NPLOC4: variants seen among roughly 807,000 people sequenced by gnomAD.
NPLOC4 encodes the protein nuclear protein localization protein 4 homolog.
NPLOC4 carries 18 observed loss-of-function variants against 80.6 expected under a neutral mutation model. The observed-to-expected ratio is 0.22, with a 90% CI of 0.15 to 0.33. The LOEUF (loss-of-function observed/expected upper bound fraction) is 0.33, where lower values mean the gene tolerates loss of function less well. NPLOC4 is among the 10% of genes least tolerant of loss of function. The probability of loss-of-function intolerance (pLI) is 1.00; values close to 1 mark genes in which losing one functional copy is unlikely to be tolerated. For synonymous variants in NPLOC4, 313 were observed against 301.5 expected, an observed-to-expected ratio of 1.04 and a Z score of -0.39; for missense variants, 540 against 786.1, an observed-to-expected ratio of 0.69 and a Z score of 3.74.
chr17:81,596,721 G>C (rs2034916920), intron 10 of NPLOC4, among the ~76,000 whole-genome samples: 1 of 152,234 alleles, frequency 6.6e-6, no homozygotes, highest in African/African-American at 2.4e-5. Context: ...GCCATGGGCT[G>C]AGCCCTGAAA....
chr17:81,595,285 T>A (rs995843606), intron 11 of NPLOC4, among the ~76,000 whole-genome samples: 3 of 151,716 alleles, frequency 2.0e-5, no homozygotes, highest in Non-Finnish European at 4.4e-5. Context: ...AATACAAAAA[T>A]TAGCCAGGCG....
At chr17:81,583,978 T>C (rs957388889) in intron 12 of NPLOC4, among the ~76,000 whole-genome samples, 1 of 152,238 alleles carries the variant, frequency 6.6e-6, no homozygotes, top group Non-Finnish European at 1.5e-5. Flanking sequence ...TGCAAACACA[T>C]ACCTTTAGTA....
rs2144063552 is a variant in NPLOC4 at position 81,572,642 on chromosome 17, A to G, written c.1282-554T>C. Reference sequence around the variant, plus strand: ...AGCAGTCGTGCTCTCGGGCACTGGGACTCCCCACTGGGAGAGCACATCAAA... The same window carrying G: ...AGCAGTCGTGCTCTCGGGCACTGGGGCTCCCCACTGGGAGAGCACATCAAA... On this transcript the variant is annotated intron_variant, in intron 12 of 16. Transcript: ENST00000331134. The surrounding 1 kb of genome is among the most constrained non-coding windows in gnomAD (Gnocchi z 4.5). Among the ~76,000 whole-genome samples the G allele has an allele frequency of 6.6e-6, 1 of 152,156 alleles. No individual in the cohort carries two copies. Among genetic ancestry groups the G allele is most frequent in the East Asian group, 1.9e-4 (1 of 5,174 alleles).
At chr17:81,585,697 T>A (rs1296909676) in intron 12 of NPLOC4, among the ~76,000 whole-genome samples, 2 of 138,766 alleles carry the variant, frequency 1.4e-5, no homozygotes, top group Non-Finnish European at 3.0e-5. Flanking sequence ...AGAGGCTGGG[T>A]GCAGTGGCTC....
Position 81,610,228 on chromosome 17 carries a change from C to T in NPLOC4, c.417G>A (p.Val139=). The change falls in exon 5 of 17, where the codon GTG becomes GTA. Residue 139 remains valine (V), a synonymous_variant. Transcript: ENST00000331134. ...LCRHGPLGKC[V]HCVPLEPFDE... ...CTCTCACCTCTAGAGGGACGCAGTGCACGCATTTCCCCAAAGGGCCGTGGC... is the reference window on the plus strand; with the variant it reads ...CTCTCACCTCTAGAGGGACGCAGTGTACGCATTTCCCCAAAGGGCCGTGGC... 3.2e-6 allele frequency: 5 copies of T among 1,575,286 alleles called. No individual in the cohort carries two copies. The highest frequency in any genetic ancestry group is 4.3e-6 in the Non-Finnish European group (5 of 1,160,996).
In NPLOC4 at chr17:81,572,266, GCAAGCTC is replaced by G. The variant is rs2034182460; in HGVS notation, c.1282-185_1282-179del. 6.6e-6 allele frequency among the ~76,000 whole-genome samples: 1 copy of G among 151,914 alleles called. No individual in the cohort carries two copies. The highest frequency in any genetic ancestry group is 6.6e-5 in the Admixed American group (1 of 15,222). On this transcript the variant is annotated intron_variant, in intron 12 of 16. Coordinates refer to ENST00000331134, the MANE Select transcript of NPLOC4 (RefSeq NM_017921.4). This position sits in a 1 kb window ranked among gnomAD's most constrained non-coding sequence, Gnocchi z 4.5. ...TGCAGTGGCGTGATCTCCACTCACT[GCAAGCTC>G]CGCCTCCCAGGTTCACACCATTCTC...
chr17:81,570,623 C>T (rs942346616), intron 13 of NPLOC4, among the ~76,000 whole-genome samples: 2 of 152,208 alleles, frequency 1.3e-5, no homozygotes, highest in African/African-American at 2.4e-5. Context: ...AGCCATTTCC[C>T]TACCCTACCC....
At chr17:81,602,572 G>A (rs1300396838) in intron 8 of NPLOC4, among the ~76,000 whole-genome samples, 2 of 151,776 alleles carry the variant, frequency 1.3e-5, no homozygotes, top group East Asian at 1.9e-4. Flanking sequence ...GCGTGGTGGC[G>A]GCACCTGTAA....
intron 16 of NPLOC4, chr17:81,564,109 C>CACACACACACACACACACAG (rs751782727): frequency 2.4e-4 from 82 of 335,022 alleles, no homozygotes; most frequent in African/African-American, 1.8e-3. Flanking sequence ...CACACACACA[C>CACACACACACACACACACAG]ACACACACAA....
In NPLOC4 at chr17:81,629,435, G is replaced by A. The variant is rs978836592; in HGVS notation, c.96+290C>T. 5.9e-5 allele frequency among the ~76,000 whole-genome samples: 9 copies of A among 152,154 alleles called. 1 individual carries two copies. Among genetic ancestry groups the A allele is most frequent in the Admixed American group, 2.0e-4 (3 of 15,254 alleles). Reference sequence around the variant, plus strand: ...GAACTCCTCACTTCGTGATCCACCCGCCTTGGTCTCCCGAAGTGCTGGGAT... The same window carrying A: ...GAACTCCTCACTTCGTGATCCACCCACCTTGGTCTCCCGAAGTGCTGGGAT... On this transcript the variant is annotated intron_variant, in intron 2 of 16. Transcript: ENST00000331134.
At chr17:81,623,272 C>A in intron 2 of NPLOC4, among the ~76,000 whole-genome samples, 1 of 150,900 alleles carries the variant, frequency 6.6e-6, no homozygotes, top group Non-Finnish European at 1.5e-5. Context: ...GAGTTCGACA[C>A]CAGCCTGGTC....
intron 3 of NPLOC4, among the ~76,000 whole-genome samples, chr17:81,617,739 G>A (rs190503355): frequency 0.096 from 14,111 of 147,500 alleles, 715 homozygotes; most frequent in Middle Eastern, 0.18. Flanking sequence ...CTGCCATCTC[G>A]GCTCACTGCA....
chr17:81,576,269 G>A (rs1358717639), intron 12 of NPLOC4, among the ~76,000 whole-genome samples: 1 of 152,222 alleles, frequency 6.6e-6, no homozygotes, highest in African/African-American at 2.4e-5. Flanking sequence ...GAGTATGTAG[G>A]TAGATGCATA....
chr17:81,557,114 A>G lies in NPLOC4; in HGVS notation c.*2145T>C. On this transcript the variant is annotated 3_prime_UTR_variant, in exon 17 of 17. Coordinates refer to ENST00000331134, the MANE Select transcript of NPLOC4 (RefSeq NM_017921.4). ...GGCAGGTGTGCACCCAGTCACCCCC[A>G]CTGGATTATGGTGCTGGTAGCATGA... The G allele has an allele frequency of 6.6e-6, 1 of 152,132 alleles. No individual in the cohort carries two copies. The highest frequency in any genetic ancestry group is 1.9e-4 in the East Asian group (1 of 5,190). 9.4% of individuals were successfully genotyped at this position (152,132 alleles called of 1,614,324 possible).
intron 13 of NPLOC4, among the ~76,000 whole-genome samples, chr17:81,571,584 G>A (rs1270867122): frequency 6.6e-6 from 1 of 152,198 alleles, no homozygotes; most frequent in Non-Finnish European, 1.5e-5. Context: ...GCTGGGGCTA[G>A]GGCAAGCACC....
chr17:81,618,900 C>T (rs2035585089), intron 3 of NPLOC4, among the ~76,000 whole-genome samples: 1 of 152,110 alleles, frequency 6.6e-6, no homozygotes, highest in African/African-American at 2.4e-5. Context: ...GATCTATGAC[C>T]TTACCCCAAC....
intron 16 of NPLOC4, chr17:81,564,945 G>C (rs2033965127): frequency 3.4e-5 from 9 of 264,750 alleles, no homozygotes; most frequent in Non-Finnish European, 1.4e-5. Flanking sequence ...GGCTGCACGA[G>C]GCACCACGGT....
At chr17:81,615,244 CAT>C (rs1242765231) in intron 3 of NPLOC4, among the ~76,000 whole-genome samples, 4 of 151,826 alleles carry the variant, frequency 2.6e-5, no homozygotes, top group Admixed American at 2.6e-4. Context: ...GGATTACAGA[CAT>C]GTGCCACCAC....
chr17:81,631,436 A>T (rs1441422987), intron 1 of NPLOC4, among the ~76,000 whole-genome samples: 218 of 116,994 alleles, frequency 1.9e-3, no homozygotes, highest in Non-Finnish European at 2.9e-3. Flanking sequence ...ATATATATAT[A>T]TTTTTTTTTT....
Sources: allele counts gnomAD v4.1 joint callset (sites outside exome capture counted in the v4.1 genomes callset), GRCh38; gene constraint gnomAD v4.1.1; non-coding constraint Gnocchi (gnomAD v3.1); transcripts MANE v1.5; gene names NCBI Gene and HGNC (gene_info 2026-07-23, HGNC 2026-07-21).